The following ADAMTS6 variants were observed in gnomAD, a reference collection of about 807,000 sequenced individuals.
ADAMTS6 encodes the protein A disintegrin and metalloproteinase with thrombospondin motifs 6.
In ADAMTS6, 23 loss-of-function variants were observed where a neutral mutation model predicts 144.3. The ratio of observed to expected loss-of-function variants is 0.16; its 90% CI spans 0.11 to 0.23. The LOEUF is 0.23. Among genes scored for constraint, ADAMTS6 ranks in the 10% least tolerant of loss-of-function variants. The pLI, the probability that ADAMTS6 is intolerant of heterozygous loss-of-function variation, is 1.00. For synonymous variants in ADAMTS6, 444 were observed against 457.5 expected, an observed-to-expected ratio of 0.97 and a Z score of 0.38; for missense variants, 999 against 1,379.6, an observed-to-expected ratio of 0.72 and a Z score of 4.37.
intron 14 of ADAMTS6, among the ~76,000 whole-genome samples, chr5:65,247,369 T>A (rs549589161): frequency 6.6e-6 from 1 of 152,206 alleles, no homozygotes; most frequent in Admixed American, 6.6e-5. Flanking sequence ...AATAATTCAT[T>A]GAGGCCTAAA....
chr5:65,452,157 G>A lies in ADAMTS6; in HGVS notation c.903C>T (p.Arg301=). The part of the protein sequence containing the change: ...LGNVVNIIVA[R]LIVLTEDQPN... ...CCTGATCTTCTGTGAGAACAATTAA[G>A]CGGGCCACTATAATATTCACAACGT... Residue 301 remains arginine, a synonymous_variant, in exon 6 of 25, where the codon CGC becomes CGT. Transcript: ENST00000381055. 6.2e-7 allele frequency: 1 copy of A among 1,610,210 alleles called. No homozygotes were observed. The highest frequency in any genetic ancestry group is 8.5e-7 in the Non-Finnish European group (1 of 1,177,790).
intron 14 of ADAMTS6, among the ~76,000 whole-genome samples, chr5:65,243,128 T>A (rs912884457): frequency 2.0e-5 from 3 of 152,020 alleles, no homozygotes; most frequent in Non-Finnish European, 4.4e-5. Flanking sequence ...AAACTAAAAA[T>A]ATTGATTTTG....
At chr5:65,429,016 A>G (rs1756779402) in intron 7 of ADAMTS6, among the ~76,000 whole-genome samples, 2 of 152,338 alleles carry the variant, frequency 1.3e-5, no homozygotes, top group South Asian at 4.1e-4. Context: ...AAGGAAATTG[A>G]GAAAACTGCA....
intron 11 of ADAMTS6, among the ~76,000 whole-genome samples, chr5:65,286,593 A>G (rs1741689288): frequency 6.6e-6 from 1 of 152,256 alleles, no homozygotes; most frequent in Non-Finnish European, 1.5e-5. Flanking sequence ...GTGGTCTTAA[A>G]TCTACCTGTA....
rs1040663755 is a variant in ADAMTS6 at position 65,451,581 on chromosome 5, C to T, written c.967G>A (p.Asp323Asn). 1 of 1,612,958 alleles carries T rather than the reference C, an allele frequency of 6.2e-7. No homozygotes were observed. Among genetic ancestry groups the T allele is most frequent in the Non-Finnish European group, 8.5e-7 (1 of 1,179,510 alleles). The change falls in exon 7 of 25, where the codon GAT becomes AAT. Residue 323 changes from aspartate to asparagine, a missense_variant. This residue lies in a region of ADAMTS6 where 128 missense variants were observed against 249.0 expected (regional missense o/e 0.51). Coordinates refer to ENST00000381055, the MANE Select transcript of ADAMTS6 (RefSeq NM_197941.4). ...GATTTCTGCCATTTACAGAAGCTATCGAGGGACTTGTCTGCATGGTGGTTT... is the reference window on the plus strand; with the variant it reads ...GATTTCTGCCATTTACAGAAGCTATTGAGGGACTTGTCTGCATGGTGGTTT... ...EINHHADKSL[D>N]SFCKWQKSIL...
intron 20 of ADAMTS6, among the ~76,000 whole-genome samples, chr5:65,212,143 T>G (rs1454733295): frequency 1.3e-5 from 2 of 152,190 alleles, no homozygotes; most frequent in Non-Finnish European, 1.5e-5. Flanking sequence ...GTGCTCAAAT[T>G]AGCATTTCTA....
chr5:65,272,563 T>C (rs1206343907), intron 12 of ADAMTS6, among the ~76,000 whole-genome samples: 1 of 152,196 alleles, frequency 6.6e-6, no homozygotes, highest in Non-Finnish European at 1.5e-5. Context: ...CTCTAATTTC[T>C]ATGTTCAATA....
chr5:65,414,155 C>T (rs1241176905), intron 7 of ADAMTS6, among the ~76,000 whole-genome samples: 2 of 152,156 alleles, frequency 1.3e-5, no homozygotes, highest in Admixed American at 1.3e-4. Context: ...AAGTTTTCCC[C>T]AGTTTACTAC....
At chr5:65,259,931 G>C (rs1172142263) in intron 14 of ADAMTS6, among the ~76,000 whole-genome samples, 1 of 152,178 alleles carries the variant, frequency 6.6e-6, no homozygotes, top group Non-Finnish European at 1.5e-5. Flanking sequence ...GAGTGATCTG[G>C]AGGAGTAATG....
In ADAMTS6 at chr5:65,151,582, C is replaced by G. The variant is rs72758881; in HGVS notation, c.*254G>C. 0.028 allele frequency: 11,674 copies of G among 417,270 alleles called. 262 individuals carry two copies. The highest frequency in any genetic ancestry group is 0.076 in the Admixed American group (2,070 of 27,282). The allele number at this position is 417,270 out of a possible 1,614,324, so 25.8% of individuals were successfully genotyped here. ...CACAAACGCTCCACAGTAAGCAAGTCTCCCTGTGTTGTTTGGATCTCTCCA... is the reference window on the plus strand; with the variant it reads ...CACAAACGCTCCACAGTAAGCAAGTGTCCCTGTGTTGTTTGGATCTCTCCA... On this transcript the variant is annotated 3_prime_UTR_variant, in exon 25 of 25. Transcript: ENST00000381055.
At chr5:65,347,532 T>G (rs1388983812) in intron 7 of ADAMTS6, among the ~76,000 whole-genome samples, 1 of 151,870 alleles carries the variant, frequency 6.6e-6, no homozygotes, top group Non-Finnish European at 1.5e-5. Context: ...ACATAAGACC[T>G]GCAACCATAA....
At chr5:65,288,318 CTTT>C (rs35577398) in intron 11 of ADAMTS6, among the ~76,000 whole-genome samples, 2 of 136,160 alleles carry the variant, frequency 1.5e-5, no homozygotes, top group African/African-American at 2.8e-5. Flanking sequence ...CTTTTCTTTT[CTTT>C]TTTTTTTTTT....
chr5:65,329,324 G>T, intron 9 of ADAMTS6, 54 bp downstream of exon 9: 1 of 1,524,282 alleles, frequency 6.6e-7, no homozygotes. Flanking sequence ...GTAGTTACAA[G>T]TTGCTCAAGA....
chr5:65,303,376 TAC>T (rs1300971411), intron 9 of ADAMTS6, among the ~76,000 whole-genome samples: 3 of 152,128 alleles, frequency 2.0e-5, no homozygotes, highest in East Asian at 1.9e-4. Context: ...ATTATAGCAA[TAC>T]AGAGATAAAT....
At chr5:65,171,298 C>T (rs575528334) in intron 23 of ADAMTS6, among the ~76,000 whole-genome samples, 43 of 152,236 alleles carry the variant, frequency 2.8e-4, no homozygotes, top group African/African-American at 9.4e-4. Flanking sequence ...TGTGAGCCAT[C>T]GCGCCTGGCC....
chr5:65,349,196 G>A (rs1469218744), intron 7 of ADAMTS6, among the ~76,000 whole-genome samples: 1 of 152,034 alleles, frequency 6.6e-6, no homozygotes, highest in Non-Finnish European at 1.5e-5. Flanking sequence ...ATTGTTAGTA[G>A]GGTCTTTTAA....
Position 65,360,506 on chromosome 5 carries a change from C to T in ADAMTS6, c.1074-26421G>A, listed in dbSNP as rs1749727316. Among the ~76,000 whole-genome samples the T allele has an allele frequency of 1.3e-5, 2 of 151,830 alleles. 1 individual carries two copies. The highest frequency in any genetic ancestry group is 4.1e-4 in the South Asian group (2 of 4,822). On this transcript the variant is annotated intron_variant, in intron 7 of 24. Coordinates refer to ENST00000381055, the MANE Select transcript of ADAMTS6 (RefSeq NM_197941.4). The stretch of plus-strand genomic sequence containing the variant: ...ATATAGCAATACATTGCATTCTACA[C>T]AGTACATATATACTATTTTTGTTTG...
At chr5:65,457,883 C>T (rs1167849133) in intron 4 of ADAMTS6, among the ~76,000 whole-genome samples, 1 of 150,888 alleles carries the variant, frequency 6.6e-6, no homozygotes, top group Non-Finnish European at 1.5e-5. Context: ...CGTGCCACGA[C>T]GCCTGGCTAA....
intron 7 of ADAMTS6, among the ~76,000 whole-genome samples, chr5:65,388,676 G>C (rs1259810014): frequency 1.3e-5 from 2 of 151,984 alleles, no homozygotes; most frequent in Non-Finnish European, 2.9e-5. Flanking sequence ...TCTTGATGAC[G>C]ATCTTTTAAA....
Sources: gnomAD v4.1 joint callset for allele counts (sites outside exome capture counted in the v4.1 genomes callset) on GRCh38, gnomAD v4.1.1 for gene constraint, gnomAD v4.1.1 regional missense constraint, MANE v1.5 for transcripts, NCBI Gene and HGNC (gene_info 2026-07-23, HGNC 2026-07-21) for gene names.